Variants in EYA1 observed in about 807,000 individuals in gnomAD.
EYA1 encodes EYA transcriptional coactivator and phosphatase 1, also known as protein phosphatase EYA1.
In EYA1, 16 loss-of-function variants were observed where a neutral mutation model predicts 82.0. That is an observed-to-expected ratio of 0.20 (90% CI 0.13 to 0.30). The LOEUF (loss-of-function observed/expected upper bound fraction) is 0.30. EYA1 is among the 10% of genes least tolerant of loss of function. The pLI is 1.00. For missense variants in EYA1, 633 were observed against 730.7 expected, an observed-to-expected ratio of 0.87 and a Z score of 1.54; for synonymous variants, 261 against 264.4, an observed-to-expected ratio of 0.99 and a Z score of 0.12.
At chr8:71,403,953 T>A (rs1323602522) in intron 2 of EYA1, 1 of 152,232 alleles carries the variant, frequency 6.6e-6, no homozygotes, top group African/African-American at 2.4e-5. Flanking sequence ...CTTCTTAAAG[T>A]ACATACTTGT....
At chr8:71,340,502 T>C (rs1475569160) in intron 3 of EYA1, among the ~76,000 whole-genome samples, 1 of 152,176 alleles carries the variant, frequency 6.6e-6, no homozygotes, top group Non-Finnish European at 1.5e-5. Context: ...TGTAGTACCC[T>C]TCCCTCTGAC....
chr8:71,247,545 A>G (rs1013683212), intron 11 of EYA1, among the ~76,000 whole-genome samples: 2 of 152,204 alleles, frequency 1.3e-5, no homozygotes, highest in Non-Finnish European at 2.9e-5. Context: ...ACTCCTTAGC[A>G]TTCTGAAATT....
At chr8:71,272,074 T>A (rs562114314) in intron 9 of EYA1, among the ~76,000 whole-genome samples, 177 bp from the exon 10 acceptor site, 66 of 152,318 alleles carry the variant, frequency 4.3e-4, no homozygotes, top group African/African-American at 1.5e-3. Context: ...GATTACAAGA[T>A]TTGTTTTGAA....
intron 2 of EYA1, among the ~76,000 whole-genome samples, chr8:71,383,164 C>T (rs1175318998): frequency 1.3e-5 from 2 of 151,908 alleles, no homozygotes; most frequent in Non-Finnish European, 2.9e-5. Context: ...CATGACATAC[C>T]ATTTTATTCC....
In EYA1 at chr8:71,420,749, T is replaced by C. The variant is rs73687709; in HGVS notation, c.34-64238A>G. On this transcript the variant is annotated intron_variant, in intron 2 of 18. Transcript: ENST00000643681. The stretch of plus-strand genomic sequence containing the variant: ...AGACTAGAATAGTAAAATTGTAGTC[T>C]AAGTAGTTATCTCAGTTACAGGTGA... Among the ~76,000 whole-genome samples the C allele has an allele frequency of 1.9e-3, 292 of 152,314 alleles. 1 individual carries two copies. The highest frequency in any genetic ancestry group is 6.8e-3 in the African/African-American group (282 of 41,564).
chr8:71,338,025 T>C (rs1193919749), intron 3 of EYA1, among the ~76,000 whole-genome samples: 1 of 152,372 alleles, frequency 6.6e-6, no homozygotes, highest in Non-Finnish European at 1.5e-5. Flanking sequence ...CCAGGGCCCA[T>C]GCTTTTATAG....
At chr8:71,345,496 T>C (rs918302356) in intron 3 of EYA1, among the ~76,000 whole-genome samples, 2 of 152,222 alleles carry the variant, frequency 1.3e-5, no homozygotes, top group Admixed American at 6.5e-5. Flanking sequence ...GCTTCAGGAC[T>C]CTTGGCTCCC....
At chr8:71,482,797 T>C (rs1810268776) in intron 2 of EYA1, among the ~76,000 whole-genome samples, 1 of 152,176 alleles carries the variant, frequency 6.6e-6, no homozygotes, top group African/African-American at 2.4e-5. Flanking sequence ...ACATATACTA[T>C]AGGATTCCTA....
intron 2 of EYA1, among the ~76,000 whole-genome samples, chr8:71,417,317 A>G (rs1201094298): frequency 2.0e-5 from 3 of 152,218 alleles, no homozygotes. Context: ...CCAGTAGTCC[A>G]CAACAGTAGG....
chr8:71,387,728 C>T (rs1829045020), intron 2 of EYA1, among the ~76,000 whole-genome samples: 1 of 151,914 alleles, frequency 6.6e-6, no homozygotes, highest in Non-Finnish European at 1.5e-5. Context: ...TTTAGATACT[C>T]TAAGTTTGAG....
chr8:71,223,366 G>C lies in EYA1; in HGVS notation c.1141-6343C>G, dbSNP rs142784446. ...TTTCAGTAAATACCAAAATTGAAAT[G>C]ACCATGGTCTACCCTTGCCAGCCTT... On this transcript the variant is annotated intron_variant, in intron 12 of 17. Coordinates refer to ENST00000340726, the MANE Select transcript of EYA1 (RefSeq NM_000503.6). 2.6e-3 allele frequency among the ~76,000 whole-genome samples: 389 copies of C among 152,282 alleles called. 2 individuals carry two copies. Among genetic ancestry groups the C allele is most frequent in the African/African-American group, 9.1e-3 (380 of 41,562 alleles).
intron 2 of EYA1, among the ~76,000 whole-genome samples, chr8:71,414,370 A>G (rs1451594000): frequency 1.3e-5 from 2 of 152,204 alleles, no homozygotes; most frequent in Non-Finnish European, 2.9e-5. Flanking sequence ...GTTTCTCTCA[A>G]AAAACACCAG....
chr8:71,222,594 T>C (rs548779321), intron 12 of EYA1, among the ~76,000 whole-genome samples: 27 of 152,338 alleles, frequency 1.8e-4, no homozygotes, highest in African/African-American at 6.0e-4. Flanking sequence ...CTTACACTTA[T>C]TGTGGAGTTC....
At chr8:71,342,649 T>G (rs1825270465) in intron 3 of EYA1, among the ~76,000 whole-genome samples, 1 of 152,168 alleles carries the variant, frequency 6.6e-6, no homozygotes, top group South Asian at 2.1e-4. Flanking sequence ...AATGTGTATT[T>G]TAATAAACAT....
At chr8:71,364,019 T>C (rs1372114181), upstream of EYA1, among the ~76,000 whole-genome samples, 3 of 152,000 alleles carry the variant, frequency 2.0e-5, no homozygotes, top group Non-Finnish European at 4.4e-5. Context: ...GCCCACATTA[T>C]AGTTAAATGT....
intron 2 of EYA1, among the ~76,000 whole-genome samples, chr8:71,520,295 T>G (rs1324519676): frequency 6.6e-6 from 1 of 152,076 alleles, no homozygotes; most frequent in African/African-American, 2.4e-5. Flanking sequence ...AGGCAGTCCC[T>G]GAGCACTGCG....
intron 7 of EYA1, among the ~76,000 whole-genome samples, chr8:71,315,451 C>A (rs1309329762): frequency 2.0e-5 from 3 of 152,170 alleles, no homozygotes; most frequent in Non-Finnish European, 2.9e-5. Flanking sequence ...CTTTTAGGAT[C>A]CACTTCTCCT....
At chr8:71,473,617 T>G (rs1346491381) in intron 2 of EYA1, among the ~76,000 whole-genome samples, 1 of 152,144 alleles carries the variant, frequency 6.6e-6, no homozygotes, top group African/African-American at 2.4e-5. Context: ...GTAAATTAGT[T>G]CAACCATTGT....
At chr8:71,431,479 C>A (rs117505747) in intron 2 of EYA1, among the ~76,000 whole-genome samples, 1 of 152,078 alleles carries the variant, frequency 6.6e-6, no homozygotes, top group South Asian at 2.1e-4. Flanking sequence ...ATTACTCTGC[C>A]TAGTCCCTGA....
Sources: allele counts gnomAD v4.1 joint callset (sites outside exome capture counted in the v4.1 genomes callset), GRCh38; gene constraint gnomAD v4.1.1; transcripts MANE v1.5; gene names NCBI Gene and HGNC (gene_info 2026-07-23, HGNC 2026-07-21).